Variants in RASSF6 observed in about 807,000 individuals in gnomAD.
RASSF6 encodes ras association domain-containing protein 6.
RASSF6 carries 52 observed loss-of-function variants against 44.0 expected under a neutral mutation model. That is an observed-to-expected ratio of 1.18 (90% confidence interval 0.95 to 1.49). The LOEUF is 1.49. RASSF6 is among the 40% of genes most tolerant of loss of function. The pLI is 0.00. For synonymous variants in RASSF6, 162 were observed against 124.6 expected (o/e 1.30, Z -2.00); for missense variants, 464 against 393.3 (o/e 1.18, Z -1.52).
chr4:73,615,981 C>T, intron 1 of RASSF6: 1 of 1,492,608 alleles, frequency 6.7e-7, no homozygotes, highest in Non-Finnish European at 9.1e-7. Context: ...AAAGTAACTT[C>T]CTGTTATCCA....
In RASSF6 at chr4:73,609,752, C is replaced by T. The variant is rs76961837; in HGVS notation, c.65+1979G>A. 7.3e-3 allele frequency among the ~76,000 whole-genome samples: 1,112 copies of T among 152,154 alleles called. 16 individuals carry two copies. Among genetic ancestry groups the T allele is most frequent in the African/African-American group, 0.025 (1,036 of 41,516 alleles). On this transcript the variant is annotated intron_variant, in intron 2 of 10. Coordinates refer to ENST00000307439, the MANE Select transcript of RASSF6 (RefSeq NM_177532.5). ...GTGAATAAATGAGTAGGGGTGTTTG[C>T]CAGATTTGTGGTATGCTGGATATCA...
intron 2 of RASSF6, among the ~76,000 whole-genome samples, chr4:73,604,803 A>G (rs757606298): frequency 9.2e-5 from 14 of 152,198 alleles, no homozygotes; most frequent in Non-Finnish European, 1.9e-4. Flanking sequence ...TGTAAAGGTA[A>G]CAAATTATTT....
chr4:73,606,822 T>G (rs1489218502), intron 2 of RASSF6, among the ~76,000 whole-genome samples: 1 of 152,172 alleles, frequency 6.6e-6, no homozygotes, highest in Non-Finnish European at 1.5e-5. Context: ...CCTTGCTCCC[T>G]TGGGAGGGAG....
chr4:73,596,751 C>T (rs982606561), intron 3 of RASSF6, among the ~76,000 whole-genome samples: 4 of 152,264 alleles, frequency 2.6e-5, no homozygotes, highest in South Asian at 2.1e-4. Context: ...ACCAAAACAG[C>T]ATGATACTGG....
At chr4:73,608,841 A>G (rs1231323168) in intron 2 of RASSF6, among the ~76,000 whole-genome samples, 2 of 152,238 alleles carry the variant, frequency 1.3e-5, no homozygotes, top group Non-Finnish European at 2.9e-5. Context: ...AAACCTGGGC[A>G]AACATTGCCT....
At position 73,576,198 on chromosome 4, in the gene RASSF6, G is replaced by GT; in HGVS notation, c.*36dup. On this transcript the variant is annotated 3_prime_UTR_variant, in exon 11 of 11. Coordinates refer to ENST00000307439, the MANE Select transcript of RASSF6 (RefSeq NM_177532.5). ...ATTCATCAAAGAGTAATATCTCTGA[G>GT]TTTTTTGAAATGTTTTAGCAATAGA... The GT allele has an allele frequency of 8.2e-7, 1 of 1,214,162 alleles. No individual in the cohort carries two copies. Among genetic ancestry groups the GT allele is most frequent in the Non-Finnish European group, 1.2e-6 (1 of 842,752 alleles). The allele number at this position is 1,214,162 out of a possible 1,614,324, so 75.2% of individuals were successfully genotyped here.
intron 4 of RASSF6, among the ~76,000 whole-genome samples, chr4:73,591,101 G>A (rs533741927): frequency 2.6e-5 from 4 of 152,072 alleles, no homozygotes; most frequent in Non-Finnish European, 5.9e-5. Context: ...ATAATATATT[G>A]CATACTTCAA....
chr4:73,604,528 G>C (rs764545187), intron 2 of RASSF6: 1 of 152,300 alleles, frequency 6.6e-6, no homozygotes, highest in African/African-American at 2.4e-5. Context: ...CACTGTGTGT[G>C]TTGCCATGTT....
rs148487030 is a variant in RASSF6, at chr4:73,604,461, G to A, written c.66-5743C>T. The A allele has an allele frequency of 7.3e-3, 1,108 of 152,530 alleles. 15 individuals are homozygous for A. Among genetic ancestry groups the A allele is most frequent in the Admixed American group, 0.027 (412 of 15,294 alleles). The allele number at this position is 152,530 out of a possible 1,614,324, so 9.4% of individuals were successfully genotyped here. Reference sequence around the variant, plus strand: ...TGCACTCCAGCCTGAGCGACAGTGAGACTCTGTCTCAAAAAAACAAAACAA... The same window carrying A: ...TGCACTCCAGCCTGAGCGACAGTGAAACTCTGTCTCAAAAAAACAAAACAA... On this transcript the variant is annotated intron_variant, in intron 2 of 10. Coordinates refer to ENST00000307439, the MANE Select transcript of RASSF6 (RefSeq NM_177532.5).
intron 1 of RASSF6, among the ~76,000 whole-genome samples, chr4:73,614,832 T>C (rs1039234389): frequency 5.1e-4 from 77 of 152,178 alleles, no homozygotes; most frequent in African/African-American, 1.8e-3. Flanking sequence ...GAATATAATT[T>C]AATGTAAGAA....
At chr4:73,588,782 TGTC>T (rs909398288) in intron 4 of RASSF6, among the ~76,000 whole-genome samples, 36 of 28,358 alleles carry the variant, frequency 1.3e-3, no homozygotes, top group African/African-American at 2.9e-3. Flanking sequence ...TCATCTCCAT[TGTC>T]ATCATCATCA....
At chr4:73,616,446 A>G (rs1560464690) in intron 1 of RASSF6, among the ~76,000 whole-genome samples, 1 of 152,222 alleles carries the variant, frequency 6.6e-6, no homozygotes, top group Non-Finnish European at 1.5e-5. Flanking sequence ...AATTATTGCT[A>G]TTTCATTTTT....
At position 73,614,429 on chromosome 4, in the gene RASSF6, C is replaced by A. The variant is rs1385424469; in HGVS notation, c.-34-2600G>T. ...GTGGTTAGTGCCCTTATAAAAGAGACCCCAGAAGCTGCCTGGACCCTTCCA... is the reference window on the plus strand; with the variant it reads ...GTGGTTAGTGCCCTTATAAAAGAGAACCCAGAAGCTGCCTGGACCCTTCCA... On this transcript the variant is annotated intron_variant, in intron 1 of 10. Transcript: ENST00000307439. 5.9e-5 allele frequency among the ~76,000 whole-genome samples: 9 copies of A among 152,138 alleles called. 1 individual carries two copies. Among genetic ancestry groups the A allele is most frequent in the Non-Finnish European group, 1.3e-4 (9 of 68,022 alleles).
At chr4:73,619,514 C>G (rs1007338300) in intron 1 of RASSF6, among the ~76,000 whole-genome samples, 23 of 152,158 alleles carry the variant, frequency 1.5e-4, no homozygotes, top group Non-Finnish European at 2.9e-4. Flanking sequence ...ATTCTTAATG[C>G]TAACAGTAGG....
At chr4:73,590,346 T>C (rs1323070893) in intron 4 of RASSF6, among the ~76,000 whole-genome samples, 2 of 152,214 alleles carry the variant, frequency 1.3e-5, no homozygotes, top group Admixed American at 6.5e-5. Flanking sequence ...GCAGCTGAAG[T>C]TCTATTGTCA....
At chr4:73,609,373 C>G (rs1329490322) in intron 2 of RASSF6, among the ~76,000 whole-genome samples, 1 of 151,964 alleles carries the variant, frequency 6.6e-6, no homozygotes, top group Non-Finnish European at 1.5e-5. Flanking sequence ...GGCAATAAAA[C>G]AGCAACTGGA....
At position 73,573,528 on chromosome 4, in the gene RASSF6, T is replaced by C. The variant is rs1723028832; in HGVS notation, c.*2707A>G. The C allele has an allele frequency of 6.6e-6, 1 of 152,222 alleles. No homozygotes were observed. The allele number at this position is 152,222 out of a possible 1,614,324, so 9.4% of individuals were successfully genotyped here. On this transcript the variant is annotated 3_prime_UTR_variant, in exon 11 of 11. Coordinates refer to ENST00000307439, the MANE Select transcript of RASSF6 (RefSeq NM_177532.5). Reference sequence around the variant, plus strand: ...CAATATAAAACATATCTTTGCAGAATGTCTTTGTATCTCTGGTTATTTTCA... The same window carrying C: ...CAATATAAAACATATCTTTGCAGAACGTCTTTGTATCTCTGGTTATTTTCA...
chr4:73,578,414 TA>T (rs1723385202), intron 8 of RASSF6, among the ~76,000 whole-genome samples: 1 of 152,030 alleles, frequency 6.6e-6, no homozygotes, highest in South Asian at 2.1e-4. Flanking sequence ...CTGCTTTTTT[TA>T]AACTTAAAAA....
At chr4:73,592,925 C>T (rs1036970917) in intron 4 of RASSF6, among the ~76,000 whole-genome samples, 5 of 152,070 alleles carry the variant, frequency 3.3e-5, no homozygotes, top group African/African-American at 1.2e-4. Context: ...AAGGCCCAGT[C>T]CAGTTCTGCC....
Sources: allele counts gnomAD v4.1 joint callset (sites outside exome capture counted in the v4.1 genomes callset), GRCh38; gene constraint gnomAD v4.1.1; transcripts MANE v1.5; gene names NCBI Gene and HGNC (gene_info 2026-07-23, HGNC 2026-07-21).